PIK3C2G: variants seen among roughly 807,000 people sequenced by gnomAD.
PIK3C2G encodes phosphatidylinositol-4-phosphate 3-kinase catalytic subunit type 2 gamma, also known as phosphatidylinositol 3-kinase C2 domain-containing subunit gamma.
In PIK3C2G, 168 loss-of-function variants were observed where a neutral mutation model predicts 181.1. That is an observed-to-expected ratio of 0.93 (90% CI 0.82 to 1.05). The LOEUF (loss-of-function observed/expected upper bound fraction) is 1.05, where lower values mean the gene tolerates loss of function less well. PIK3C2G is among the 50% of genes least tolerant of loss of function. The probability of loss-of-function intolerance (pLI) is 0.00; values close to 1 mark genes in which losing one functional copy is unlikely to be tolerated. For missense variants in PIK3C2G, 1,869 were observed against 1,732.8 expected (o/e 1.08, Z -1.40); for synonymous variants, 573 against 592.2 (o/e 0.97, Z 0.47).
chr12:18,544,507 TA>T (rs1944321081), intron 25 of PIK3C2G, among the ~76,000 whole-genome samples: 1 of 151,810 alleles, frequency 6.6e-6, no homozygotes, highest in African/African-American at 2.4e-5. Context: ...AGGACAATGA[TA>T]ATTACAATGA....
the PIK3C2G span, among the ~76,000 whole-genome samples, chr12:18,722,420 G>T: frequency 0.078 from 11,807 of 152,046 alleles, 543 homozygotes; most frequent in Middle Eastern, 0.12. Context: ...ATCCAATGCA[G>T]AAATAAGTTT....
At chr12:18,450,356 C>A (rs1947281200) in intron 18 of PIK3C2G, among the ~76,000 whole-genome samples, 1 of 152,140 alleles carries the variant, frequency 6.6e-6, no homozygotes, top group South Asian at 2.1e-4. Flanking sequence ...GAACTCCCAA[C>A]CTCAGGTGAT....
At chr12:18,402,368 G>A (rs1223032478) in intron 16 of PIK3C2G, among the ~76,000 whole-genome samples, 2 of 152,030 alleles carry the variant, frequency 1.3e-5, no homozygotes, top group Admixed American at 6.6e-5. Flanking sequence ...CCCAGAGCGA[G>A]GGCAAGTTGG....
At chr12:18,621,024 A>G (rs1948838170) in intron 31 of PIK3C2G, among the ~76,000 whole-genome samples, 1 of 152,070 alleles carries the variant, frequency 6.6e-6, no homozygotes, top group Non-Finnish European at 1.5e-5. Flanking sequence ...TTCTCCCTGT[A>G]GTAAGAAAAA....
At chr12:18,314,097 A>G in intron 6 of PIK3C2G, 33 bp downstream of exon 6, 1 of 1,110,810 alleles carries the variant, frequency 9.0e-7, no homozygotes, top group Non-Finnish European at 1.3e-6. Flanking sequence ...TTCAATTGGC[A>G]AACTGACAGT....
chr12:18,449,563 T>A (rs1266494400), intron 18 of PIK3C2G, among the ~76,000 whole-genome samples: 5 of 152,168 alleles, frequency 3.3e-5, no homozygotes. Flanking sequence ...TGGTCTCCTG[T>A]TCCTGAGTTA....
intron 18 of PIK3C2G, among the ~76,000 whole-genome samples, chr12:18,426,685 A>G (rs567934759): frequency 2.0e-5 from 3 of 152,304 alleles, no homozygotes; most frequent in South Asian, 2.1e-4. Context: ...CAGCAAGTCA[A>G]TATCATTTTG....
At chr12:18,438,802 T>C (rs914155782) in intron 18 of PIK3C2G, among the ~76,000 whole-genome samples, 2 of 151,918 alleles carry the variant, frequency 1.3e-5, no homozygotes, top group Non-Finnish European at 2.9e-5. Flanking sequence ...TGGGTAGCCC[T>C]TGAAAAATTA....
At chr12:18,303,132 T>TTCTTTCTTTCTTTC (rs1482901582) in intron 5 of PIK3C2G, among the ~76,000 whole-genome samples, 1 of 110,476 alleles carries the variant, frequency 9.1e-6, no homozygotes, top group East Asian at 2.3e-4. Flanking sequence ...CTTTCTTTCT[T>TTCTTTCTTTCTTTC]TCTTTCTTTT....
intron 1 of PIK3C2G, among the ~76,000 whole-genome samples, chr12:18,270,268 C>T (rs766463983): frequency 2.0e-5 from 3 of 152,046 alleles, no homozygotes; most frequent in Non-Finnish European, 4.4e-5. Context: ...ATTAATATCT[C>T]TATTTTTATT....
chr12:18,655,662 C>T, the PIK3C2G span, among the ~76,000 whole-genome samples: 2 of 151,824 alleles, frequency 1.3e-5, no homozygotes, highest in Non-Finnish European at 2.9e-5. Flanking sequence ...GTCGTGTTGG[C>T]AGTATGTACC....
chr12:18,683,532 C>A, the PIK3C2G span: 2 of 1,511,730 alleles, frequency 1.3e-6, no homozygotes, highest in Non-Finnish European at 1.8e-6. Flanking sequence ...AAACTGAATA[C>A]ACAGCTCATA....
chr12:18,671,837 G>C, the PIK3C2G span, among the ~76,000 whole-genome samples: 12,417 of 152,218 alleles, frequency 0.082, 603 homozygotes, highest in Non-Finnish European at 0.11. Context: ...CACAGTTTTG[G>C]AGTTTGAGAA....
At chr12:18,360,126 G>A (rs1212975741) in intron 11 of PIK3C2G, among the ~76,000 whole-genome samples, 1 of 151,442 alleles carries the variant, frequency 6.6e-6, no homozygotes, top group Non-Finnish European at 1.5e-5. Flanking sequence ...GTAATGATAT[G>A]TTTTGATTTT....
chr12:18,700,424 G>A, the PIK3C2G span, among the ~76,000 whole-genome samples: 1 of 145,758 alleles, frequency 6.9e-6, no homozygotes. Context: ...GAGTCAGGCA[G>A]ATTGGGCCAG....
At position 18,424,055 on chromosome 12, in the gene PIK3C2G, T is replaced by G; in HGVS notation, c.2504+16T>G. On this transcript the variant is annotated intron_variant, in intron 18 of 32. Coordinates refer to ENST00000538779, the MANE Select transcript of PIK3C2G (RefSeq NM_001288772.2). The stretch of plus-strand genomic sequence containing the variant: ...GTCTTTACTGGTAAGATTAACTAAA[T>G]CAGGCAAGGATGCCTTTTTAATTGC... 1 of 1,538,854 alleles carries G rather than the reference T, an allele frequency of 6.5e-7. No individual in the cohort carries two copies. Among genetic ancestry groups the G allele is most frequent in the Non-Finnish European group, 9.0e-7 (1 of 1,116,450 alleles).
At chr12:18,321,581 A>C (rs1384852562) in intron 7 of PIK3C2G, among the ~76,000 whole-genome samples, 1 of 152,206 alleles carries the variant, frequency 6.6e-6, no homozygotes, top group Non-Finnish European at 1.5e-5. Flanking sequence ...TCTGCAGTTA[A>C]GGTTGTTGTG....
the PIK3C2G span, chr12:18,701,606 A>ATCCTCCTCCTCCTCCTCCTCCTCC: frequency 1.4e-5 from 22 of 1,524,916 alleles, no homozygotes; most frequent in Non-Finnish European, 8.9e-7. Context: ...CTTTGAATTT[A>ATCCTCCTCCTCCTCCTCCTCCTCC]TCCTCCTCCT....
At chr12:18,618,994 C>T (rs1948727183) in intron 31 of PIK3C2G, among the ~76,000 whole-genome samples, 1 of 151,466 alleles carries the variant, frequency 6.6e-6, no homozygotes, top group Non-Finnish European at 1.5e-5. Context: ...CCTTTGGAAT[C>T]CAAGAAAGAC....
Sources: gnomAD v4.1 joint callset for allele counts (sites outside exome capture counted in the v4.1 genomes callset) on GRCh38, gnomAD v4.1.1 for gene constraint, MANE v1.5 for transcripts, NCBI Gene and HGNC (gene_info 2026-07-23, HGNC 2026-07-21) for gene names.